The following TRERF1 variants were observed in gnomAD, a reference collection of about 807,000 sequenced individuals.
The protein encoded by TRERF1 is transcriptional-regulating factor 1.
A neutral mutation model predicts 122.9 loss-of-function variants in TRERF1; 27 were observed. The observed-to-expected ratio is 0.22, with a 90% CI of 0.16 to 0.30. The LOEUF (loss-of-function observed/expected upper bound fraction) is 0.30. TRERF1 is among the 10% of genes least tolerant of loss of function. TRERF1 has a pLI of 1.00. For synonymous variants in TRERF1, 636 were observed against 641.7 expected, an observed-to-expected ratio of 0.99 and a Z score of 0.13; for missense variants, 1,248 against 1,560.3, an observed-to-expected ratio of 0.80 and a Z score of 3.37.
At chr6:42,241,405 T>C (rs534554666) in intron 15 of TRERF1, among the ~76,000 whole-genome samples, 1 of 152,318 alleles carries the variant, frequency 6.6e-6, no homozygotes, top group African/African-American at 2.4e-5. Flanking sequence ...TATGTATGTA[T>C]ATTTCATAGC....
chr6:42,239,725 G>T (rs1773188082), intron 15 of TRERF1, among the ~76,000 whole-genome samples: 1 of 151,810 alleles, frequency 6.6e-6, no homozygotes. Context: ...CCCTCCCCAG[G>T]CGCACCCTCC....
In TRERF1 at chr6:42,405,802, A is replaced by T. The variant is rs575396389; in HGVS notation, c.-453-42723T>A. On this transcript the variant is annotated intron_variant, in intron 2 of 17. Coordinates refer to ENST00000372922, the Ensembl canonical transcript of TRERF1. Reference sequence around the variant, plus strand: ...AGAGCCAGACCTTGTCTCAAAAAAAAAAAAATTAAAAAAATTAAAAAAAAT... The same window carrying T: ...AGAGCCAGACCTTGTCTCAAAAAAATAAAAATTAAAAAAATTAAAAAAAAT... Among the ~76,000 whole-genome samples, 530 of 150,872 alleles carry T rather than the reference A, an allele frequency of 3.5e-3. 5 individuals carry two copies. The highest frequency in any genetic ancestry group is 0.012 in the African/African-American group (488 of 40,940).
chr6:42,241,169 C>T (rs569816685), intron 15 of TRERF1, among the ~76,000 whole-genome samples: 1 of 152,244 alleles, frequency 6.6e-6, no homozygotes, highest in East Asian at 1.9e-4. Context: ...CAGGTGTGAG[C>T]CACAGTGCCT....
intron 3 of TRERF1, among the ~76,000 whole-genome samples, chr6:42,318,611 C>T (rs1044082996): frequency 6.6e-6 from 1 of 152,206 alleles, no homozygotes; most frequent in African/African-American, 2.4e-5. Flanking sequence ...AGAATGGATA[C>T]TCAGGGGCTG....
At chr6:42,272,280 T>C (rs1582729284) in intron 4 of TRERF1, among the ~76,000 whole-genome samples, 1 of 152,104 alleles carries the variant, frequency 6.6e-6, no homozygotes, top group Non-Finnish European at 1.5e-5. Context: ...TTCTGAACTA[T>C]GAGAGAAAGA....
At chr6:42,321,778 A>T (rs574014745) in intron 3 of TRERF1, among the ~76,000 whole-genome samples, 81 of 152,140 alleles carry the variant, frequency 5.3e-4, no homozygotes, top group East Asian at 1.5e-3. Flanking sequence ...AATCTTTTAT[A>T]AAAAAAACTC....
At chr6:42,345,801 C>T (rs1372792877) in intron 3 of TRERF1, among the ~76,000 whole-genome samples, 1 of 152,188 alleles carries the variant, frequency 6.6e-6, no homozygotes, top group Non-Finnish European at 1.5e-5. Context: ...TGATTCCTGC[C>T]CTCCTTCTCC....
At chr6:42,226,845 G>A (rs1158006362) in exon 18 of TRERF1, 1 of 152,268 alleles carries the variant, frequency 6.6e-6, no homozygotes, top group Non-Finnish European at 1.5e-5. Flanking sequence ...GTGGAGCTGG[G>A]AACCAGCATA....
intron 4 of TRERF1, among the ~76,000 whole-genome samples, chr6:42,283,378 A>G (rs956148815): frequency 1.3e-5 from 2 of 152,198 alleles, no homozygotes; most frequent in Admixed American, 6.5e-5. Flanking sequence ...ATCTGTGAAT[A>G]ATAAGGGTCA....
At chr6:42,233,308 CAG>C (rs1771044850) in intron 16 of TRERF1, among the ~76,000 whole-genome samples, 1 of 125,092 alleles carries the variant, frequency 8.0e-6, no homozygotes. Flanking sequence ...TTTTTTGAGA[CAG>C]AGTCTCGCTC....
chr6:42,320,697 G>A (rs1452915538), intron 3 of TRERF1, among the ~76,000 whole-genome samples: 3 of 152,106 alleles, frequency 2.0e-5, no homozygotes, highest in Non-Finnish European at 2.9e-5. Flanking sequence ...TTTTAGTAGA[G>A]ATGGGATTTC....
chr6:42,226,110 C>A (rs1476281692), exon 18 of TRERF1: 3 of 152,204 alleles, frequency 2.0e-5, no homozygotes, highest in South Asian at 2.1e-4. Context: ...GGAATTTGAA[C>A]TGTCTCGTTA....
intron 3 of TRERF1, among the ~76,000 whole-genome samples, chr6:42,349,432 G>A (rs1768976248): frequency 1.3e-5 from 2 of 151,910 alleles, no homozygotes; most frequent in Non-Finnish European, 2.9e-5. Flanking sequence ...TGGTTTTCAG[G>A]TAATCAACTA....
intron 8 of TRERF1, among the ~76,000 whole-genome samples, chr6:42,262,702 G>C (rs977719505): frequency 2.0e-5 from 3 of 152,076 alleles, no homozygotes; most frequent in African/African-American, 2.4e-5. Flanking sequence ...AAATCTCTTT[G>C]CTTTCCTGAG....
chr6:42,257,033 C>T, exon 11 of TRERF1: 1 of 1,614,178 alleles, frequency 6.2e-7, no homozygotes, highest in Non-Finnish European at 8.5e-7. Flanking sequence ...TGTGTGTGTC[C>T]TGGGCCAGGG....
chr6:42,366,485 C>A (rs796409270), intron 2 of TRERF1, among the ~76,000 whole-genome samples: 3 of 152,180 alleles, frequency 2.0e-5, no homozygotes, highest in African/African-American at 7.2e-5. Flanking sequence ...TCCACTCTAA[C>A]GGGGAGGAGG....
chr6:42,380,906 C>T (rs773685965), intron 2 of TRERF1, among the ~76,000 whole-genome samples: 9 of 152,234 alleles, frequency 5.9e-5, no homozygotes, highest in Non-Finnish European at 8.8e-5. Context: ...TCCTCCACTT[C>T]TGTCCTGGGA....
Position 42,232,993 on chromosome 6 carries a change from T to C in TRERF1, c.3067-101A>G. 6.9e-7 allele frequency: 1 copy of C among 1,446,626 alleles called. No individual in the cohort carries two copies. The highest frequency in any genetic ancestry group is 2.5e-5 in the East Asian group (1 of 39,786). The allele number at this position is 1,446,626 out of a possible 1,614,324, so 89.6% of individuals were successfully genotyped here. ...ACATGGAATACTTGAAACTGTCTAA[T>C]GACAGGGCACAAGGGTTTTATATAA... On this transcript the variant is annotated intron_variant, in intron 16 of 17. Coordinates refer to ENST00000372922, the Ensembl canonical transcript of TRERF1. The surrounding 1 kb of genome is among the most constrained non-coding windows in gnomAD (Gnocchi z 4.5).
chr6:42,290,073 C>T (rs905522830), intron 4 of TRERF1, among the ~76,000 whole-genome samples: 5 of 152,144 alleles, frequency 3.3e-5, no homozygotes, highest in African/African-American at 1.2e-4. Context: ...GTTTGTGAGG[C>T]CCCTGAGAAC....
Sources: gnomAD v4.1 joint callset for allele counts (sites outside exome capture counted in the v4.1 genomes callset) on GRCh38, gnomAD v4.1.1 for gene constraint, Gnocchi (gnomAD v3.1) non-coding constraint, MANE v1.5 for transcripts, NCBI Gene and HGNC (gene_info 2026-07-23, HGNC 2026-07-21) for gene names.